TPRG1: variants seen among roughly 807,000 people sequenced by gnomAD.
TPRG1 encodes tumor protein p63-regulated gene 1 protein.
Under a neutral mutation model 29.3 loss-of-function variants are expected in TPRG1, and 29 were observed. That is an observed-to-expected ratio of 0.99 (90% confidence interval 0.74 to 1.35). TPRG1 has a LOEUF of 1.35. Among genes scored for constraint, TPRG1 ranks in the 40% most tolerant of loss-of-function variants. TPRG1 has a pLI of 0.00. For synonymous variants in TPRG1, 130 were observed against 116.8 expected (o/e 1.11, Z -0.73); for missense variants, 327 against 335.0 (o/e 0.98, Z 0.19).
chr3:189,208,280 T>C (rs540960199), intron 2 of TPRG1, among the ~76,000 whole-genome samples: 2 of 152,348 alleles, frequency 1.3e-5, no homozygotes, highest in East Asian at 1.9e-4. Flanking sequence ...TACTTATAGA[T>C]CCTCTTTCCA....
At chr3:189,004,056 A>C (rs1227907325) in intron 2 of TPRG1, among the ~76,000 whole-genome samples, 2 of 152,168 alleles carry the variant, frequency 1.3e-5, no homozygotes, top group African/African-American at 2.4e-5. Context: ...GAGAAAACTG[A>C]TGCTGCTGAA....
chr3:189,199,049 G>A (rs1035037460), intron 1 of TPRG1, among the ~76,000 whole-genome samples: 4 of 152,112 alleles, frequency 2.6e-5, no homozygotes, highest in South Asian at 2.1e-4. Context: ...ACTGAGGTTC[G>A]AGCATGTCTT....
At chr3:189,256,800 C>G (rs1268917517) in intron 4 of TPRG1, among the ~76,000 whole-genome samples, 2 of 152,090 alleles carry the variant, frequency 1.3e-5, no homozygotes, top group Non-Finnish European at 2.9e-5. Flanking sequence ...GGTTTAAAGT[C>G]TGTTTTATCA....
At chr3:189,184,648 GCT>G (rs940140116) in intron 1 of TPRG1, among the ~76,000 whole-genome samples, 4 of 152,232 alleles carry the variant, frequency 2.6e-5, no homozygotes, top group African/African-American at 9.6e-5. Context: ...CAAAGCTGTA[GCT>G]CTCTGCCTGT....
chr3:189,261,212 A>G (rs59123525), intron 4 of TPRG1, among the ~76,000 whole-genome samples: 32,451 of 151,980 alleles, frequency 0.21, 4,589 homozygotes, highest in African/African-American at 0.41. Flanking sequence ...GGTGTGTGTG[A>G]TGTTCATTAC....
intron 5 of TPRG1, among the ~76,000 whole-genome samples, chr3:189,311,714 C>T (rs1288422161): frequency 6.6e-6 from 1 of 152,128 alleles, no homozygotes; most frequent in Non-Finnish European, 1.5e-5. Flanking sequence ...CTGTTATTGA[C>T]ACTAAACTAG....
intron 3 of TPRG1, among the ~76,000 whole-genome samples, chr3:189,226,647 G>A (rs1483526486): frequency 2.0e-5 from 3 of 151,538 alleles, no homozygotes; most frequent in African/African-American, 7.3e-5. Context: ...AATGAAAAGT[G>A]AGTAGAAGAA....
intron 3 of TPRG1, among the ~76,000 whole-genome samples, chr3:189,014,644 T>G (rs192738879): frequency 6.6e-6 from 1 of 152,142 alleles, no homozygotes; most frequent in Non-Finnish European, 1.5e-5. Context: ...GCTGTTCTCA[T>G]GATTGTGAGG....
rs140581259 is a variant in TPRG1, at chr3:189,075,063, G to A, written c.-463+51117G>A. Among the ~76,000 whole-genome samples, 665 of 152,010 alleles carry A rather than the reference G, an allele frequency of 4.4e-3. 6 individuals carry two copies. The highest frequency in any genetic ancestry group is 0.015 in the African/African-American group (636 of 41,464). On this transcript the variant is annotated intron_variant, in intron 4 of 10. Coordinates refer to the TPRG1 transcript ENST00000433971. Reference sequence around the variant, plus strand: ...CCTGACCTCGTGATCCACCTACCTCGGCCTCCCCAGCCTACCCCTTAATAT... The same window carrying A: ...CCTGACCTCGTGATCCACCTACCTCAGCCTCCCCAGCCTACCCCTTAATAT...
At chr3:189,252,987 G>A (rs1742523466) in intron 4 of TPRG1, among the ~76,000 whole-genome samples, 1 of 151,930 alleles carries the variant, frequency 6.6e-6, no homozygotes, top group Non-Finnish European at 1.5e-5. Flanking sequence ...GATTTGACAG[G>A]TACATCTCAG....
intron 4 of TPRG1, among the ~76,000 whole-genome samples, chr3:189,307,861 T>C (rs977070646): frequency 6.6e-6 from 1 of 152,240 alleles, no homozygotes; most frequent in Non-Finnish European, 1.5e-5. Flanking sequence ...ATTTGTGCTT[T>C]TCCATGTTTG....
intron 1 of TPRG1, among the ~76,000 whole-genome samples, chr3:189,104,298 A>C (rs1719555152): frequency 6.6e-6 from 1 of 152,148 alleles, no homozygotes; most frequent in Admixed American, 6.5e-5. Context: ...CACTAACCAC[A>C]GTGCTTGACA....
intron 1 of TPRG1, among the ~76,000 whole-genome samples, chr3:189,110,321 A>G (rs576775668): frequency 1.3e-5 from 2 of 152,244 alleles, no homozygotes; most frequent in East Asian, 3.9e-4. Flanking sequence ...TTGTGACTTT[A>G]ATTTTCATGG....
At chr3:189,195,890 G>A (rs569830864) in intron 1 of TPRG1, among the ~76,000 whole-genome samples, 3 of 152,284 alleles carry the variant, frequency 2.0e-5, no homozygotes, top group African/African-American at 2.4e-5. Flanking sequence ...CAGGGTTTCT[G>A]TTACTCCCCT....
intron 1 of TPRG1, among the ~76,000 whole-genome samples, chr3:188,998,208 G>C (rs1043097135): frequency 6.6e-6 from 1 of 152,152 alleles, no homozygotes; most frequent in Non-Finnish European, 1.5e-5. Flanking sequence ...AAATCAAGTG[G>C]TGTGATGGGA....
chr3:189,092,784 G>A (rs1457827711), intron 4 of TPRG1, among the ~76,000 whole-genome samples: 3 of 152,166 alleles, frequency 2.0e-5, no homozygotes, highest in African/African-American at 2.4e-5. Context: ...AGCTGATAAT[G>A]ATGATGATCA....
chr3:189,033,874 C>A (rs939495794), intron 4 of TPRG1, among the ~76,000 whole-genome samples: 1 of 152,118 alleles, frequency 6.6e-6, no homozygotes. Flanking sequence ...CCGTGCCCAG[C>A]CTACTCCTCT....
intron 3 of TPRG1, among the ~76,000 whole-genome samples, chr3:189,016,925 G>T (rs542765879): frequency 6.6e-6 from 1 of 152,236 alleles, no homozygotes; most frequent in South Asian, 2.1e-4. Context: ...CTATAGCAGT[G>T]TGAAAACGAA....
intron 3 of TPRG1, among the ~76,000 whole-genome samples, chr3:189,219,965 T>G (rs1161536134): frequency 6.6e-6 from 1 of 152,220 alleles, no homozygotes; most frequent in East Asian, 1.9e-4. Context: ...GACGGTAGAA[T>G]CAAAGTGAAG....
Sources: allele counts gnomAD v4.1 joint callset (sites outside exome capture counted in the v4.1 genomes callset), GRCh38; gene constraint gnomAD v4.1.1; transcripts MANE v1.5; gene names NCBI Gene and HGNC (gene_info 2026-07-23, HGNC 2026-07-21).